The following FGF13 variants were observed in gnomAD, a reference collection of about 807,000 sequenced individuals.
FGF13 encodes the protein fibroblast growth factor 13.
Under a neutral mutation model 19.5 loss-of-function variants are expected in FGF13, and 2 were observed. The observed-to-expected ratio is 0.10, with a 90% CI of 0.04 to 0.32. FGF13 has a LOEUF of 0.32. Among genes scored for constraint, FGF13 ranks in the 10% least tolerant of loss-of-function variants. The pLI is 1.00. For missense variants in FGF13, 113 were observed against 192.7 expected (o/e 0.59, Z 2.45); for synonymous variants, 72 against 76.9 (o/e 0.94, Z 0.33).
At chrX:139,114,835 T>C (rs1038225941) in intron 1 of FGF13, among the ~76,000 whole-genome samples, 21 of 112,229 alleles carry the variant, frequency 1.9e-4, no homozygotes, top group Middle Eastern at 9.2e-3. Context: ...GTTCTAAATA[T>C]ATATCCCCAA....
chrX:138,844,051 T>G (rs941086870), intron 3 of FGF13, among the ~76,000 whole-genome samples: 1 of 112,246 alleles, frequency 8.9e-6, no homozygotes, highest in Non-Finnish European at 1.9e-5. Flanking sequence ...CTTCTTTCAT[T>G]CAGCAAGAAA....
chrX:138,977,496 C>A (rs757286320), intron 1 of FGF13, among the ~76,000 whole-genome samples: 2 of 112,418 alleles, frequency 1.8e-5, no homozygotes, highest in Admixed American at 9.4e-5. Context: ...GAAAAGGTTT[C>A]TTTTTGCCAC....
At chrX:138,780,768 T>C (rs749687313) in intron 3 of FGF13, among the ~76,000 whole-genome samples, 1 of 110,251 alleles carries the variant, frequency 9.1e-6, no homozygotes, top group African/African-American at 3.3e-5. Flanking sequence ...AGACGGAAAG[T>C]CAACAAGGAT....
intron 3 of FGF13, among the ~76,000 whole-genome samples, chrX:138,844,904 T>A (rs1338815465): frequency 9.0e-6 from 1 of 111,277 alleles, no homozygotes; most frequent in African/African-American, 3.3e-5. Context: ...CACAGAAAAG[T>A]TGCTCAGTAA....
intron 1 of FGF13, among the ~76,000 whole-genome samples, chrX:139,156,616 C>T (rs972391197): frequency 8.9e-6 from 1 of 112,264 alleles, no homozygotes; most frequent in Non-Finnish European, 1.9e-5. Flanking sequence ...AGGCTTAAGT[C>T]GTTCTCCAAC....
At chrX:138,678,078 G>C (rs765685258) in intron 3 of FGF13, among the ~76,000 whole-genome samples, 3 of 111,323 alleles carry the variant, frequency 2.7e-5, no homozygotes, top group African/African-American at 6.5e-5. Context: ...CTATCGCAAG[G>C]ACAAAAAACC....
chrX:138,644,734 T>A (rs1194926296), intron 3 of FGF13, among the ~76,000 whole-genome samples: 2 of 112,004 alleles, frequency 1.8e-5, no homozygotes, highest in Non-Finnish European at 3.8e-5. Context: ...AGGAAAGTAA[T>A]GCTAGCCAAC....
chrX:138,907,543 C>A (rs1402170406), intron 1 of FGF13, among the ~76,000 whole-genome samples: 2 of 111,444 alleles, frequency 1.8e-5, no homozygotes, highest in Non-Finnish European at 3.8e-5. Flanking sequence ...TCCCATGTGG[C>A]CTTTTCATTT....
intron 3 of FGF13, among the ~76,000 whole-genome samples, chrX:138,792,171 T>C (rs931073503): frequency 8.9e-6 from 1 of 112,285 alleles, no homozygotes; most frequent in Non-Finnish European, 1.9e-5. Context: ...ATGTCTAGCA[T>C]AGACTAGGTA....
At chrX:139,069,380 G>A (rs1294126602) in intron 1 of FGF13, among the ~76,000 whole-genome samples, 8 of 75,688 alleles carry the variant, frequency 1.1e-4, no homozygotes, top group Non-Finnish European at 1.5e-4. Context: ...ACCAAACACC[G>A]CATATTCTCA....
At position 138,630,854 on chromosome X, in the gene FGF13, C is replaced by T. The variant is rs2089108489; in HGVS notation, c.*1996G>A. On this transcript the variant is annotated 3_prime_UTR_variant, in exon 5 of 5. Transcript: ENST00000315930. The stretch of plus-strand genomic sequence containing the variant: ...CATTTAATACACCTAACCTAGCAAA[C>T]ATCATAGCTTAGCCTAGCCTACTTT... The T allele has an allele frequency of 8.9e-6, 1 of 112,307 alleles. No individual in the cohort carries two copies. Among genetic ancestry groups the T allele is most frequent in the Admixed American group, 9.5e-5 (1 of 10,565 alleles). 9.3% of individuals were successfully genotyped at this position (112,307 alleles called of 1,213,427 possible). A position where few individuals can be genotyped will look rare whatever the true frequency, so the allele number is the denominator to read the frequency against.
At chrX:138,716,222 G>A, upstream of FGF13, 1 of 112,026 alleles carries the variant, frequency 8.9e-6, no homozygotes, top group Non-Finnish European at 1.9e-5. Flanking sequence ...CTCAAAGAAA[G>A]GAAATGTTGG....
At chrX:138,938,975 A>C (rs774983275) in intron 1 of FGF13, among the ~76,000 whole-genome samples, 1 of 112,170 alleles carries the variant, frequency 8.9e-6, no homozygotes, top group East Asian at 2.8e-4. Context: ...GAACTTGTCC[A>C]TTTAGCCCAA....
chrX:138,701,437 T>C (rs1446975197), intron 3 of FGF13, among the ~76,000 whole-genome samples: 1 of 112,301 alleles, frequency 8.9e-6, no homozygotes, highest in African/African-American at 3.2e-5. Context: ...CCCTTTCCTA[T>C]CTTTTATAGT....
intron 1 of FGF13, among the ~76,000 whole-genome samples, chrX:138,894,043 A>G (rs2091490448): frequency 8.9e-6 from 1 of 112,056 alleles, no homozygotes; most frequent in African/African-American, 3.2e-5. Context: ...TTTCTGTGGT[A>G]TTATATGAGC....
chrX:138,814,638 A>C (rs746603767), intron 3 of FGF13, among the ~76,000 whole-genome samples: 1 of 111,513 alleles, frequency 9.0e-6, no homozygotes, highest in East Asian at 2.8e-4. Flanking sequence ...ATGCAAATTA[A>C]AATCATAATG....
chrX:139,088,305 A>G (rs1225459189), intron 1 of FGF13, among the ~76,000 whole-genome samples: 1 of 111,778 alleles, frequency 8.9e-6, no homozygotes, highest in African/African-American at 3.3e-5. Context: ...AAGATTAAGG[A>G]GTTCAGTTTG....
At chrX:139,015,760 G>A (rs1326427309) in intron 1 of FGF13, among the ~76,000 whole-genome samples, 1 of 111,159 alleles carries the variant, frequency 9.0e-6, no homozygotes, top group East Asian at 2.9e-4. Flanking sequence ...AATAAATCCT[G>A]GGCAAAAATA....
chrX:139,025,069 G>C (rs2124386974), intron 1 of FGF13, among the ~76,000 whole-genome samples: 1 of 110,579 alleles, frequency 9.0e-6, no homozygotes, highest in Non-Finnish European at 1.9e-5. Context: ...TTCCTGCCCT[G>C]CCTGGATATG....
Sources: allele counts gnomAD v4.1 joint callset (sites outside exome capture counted in the v4.1 genomes callset), GRCh38; gene constraint gnomAD v4.1.1; transcripts MANE v1.5; gene names NCBI Gene and HGNC (gene_info 2026-07-23, HGNC 2026-07-21).